ADD1: variants seen among roughly 807,000 people sequenced by gnomAD.
The protein encoded by ADD1 is adducin 1.
In ADD1, 24 loss-of-function variants were observed where a neutral mutation model predicts 80.5. The ratio of observed to expected loss-of-function variants is 0.30; its 90% CI spans 0.22 to 0.42. ADD1 has a LOEUF of 0.42. Among genes scored for constraint, ADD1 ranks in the 10% least tolerant of loss-of-function variants. The probability of loss-of-function intolerance (pLI) is 1.00; values close to 1 mark genes in which losing one functional copy is unlikely to be tolerated. For synonymous variants in ADD1, 373 were observed against 393.8 expected (o/e 0.95, Z 0.63); for missense variants, 948 against 1,019.0 (o/e 0.93, Z 0.95).
At chr4:2,886,381 A>G (rs1733370678) in intron 4 of ADD1, among the ~76,000 whole-genome samples, 2 of 152,168 alleles carry the variant, frequency 1.3e-5, no homozygotes, top group South Asian at 4.1e-4. Context: ...TCTGCCAGAG[A>G]GACTGAGTTG....
At chr4:2,860,993 T>C (rs1417531650) in intron 1 of ADD1, among the ~76,000 whole-genome samples, 1 of 152,140 alleles carries the variant, frequency 6.6e-6, no homozygotes, top group Non-Finnish European at 1.5e-5. Flanking sequence ...GTGGGGACTA[T>C]TCTAAATAGG....
intron 1 of ADD1, among the ~76,000 whole-genome samples, chr4:2,855,663 A>G (rs1163896762): frequency 6.6e-6 from 1 of 151,198 alleles, no homozygotes; most frequent in Non-Finnish European, 1.5e-5. Flanking sequence ...AAAGAGACAC[A>G]GTCTTGCTCT....
At chr4:2,864,305 C>G (rs1044865944) in intron 1 of ADD1, among the ~76,000 whole-genome samples, 1 of 152,022 alleles carries the variant, frequency 6.6e-6, no homozygotes, top group African/African-American at 2.4e-5. Context: ...CCCAGCTGTT[C>G]GGGAGGCTGA....
intron 10 of ADD1, among the ~76,000 whole-genome samples, chr4:2,906,478 T>G (rs987165569): frequency 6.6e-6 from 1 of 152,178 alleles, no homozygotes; most frequent in Non-Finnish European, 1.5e-5. Context: ...CCAAAGCGTT[T>G]AGGCAGCAGC....
Position 2,909,348 on chromosome 4 carries a change from C to G in ADD1, c.1708C>G (p.Leu570Val), listed in dbSNP as rs1403945024. The G allele has an allele frequency of 1.3e-6, 2 of 1,550,264 alleles. No homozygotes were observed. Among genetic ancestry groups the G allele is most frequent in the East Asian group, 2.4e-5 (1 of 40,926 alleles). ...MDRSLVQDAPLSDCTETIEGL... is the reference protein window; with the variant it reads ...MDRSLVQDAPVSDCTETIEGL... ...CAGTTTACTGTTTCAGGATGCACCTCTCTCTGACTGTACGGAAACTATCGA... is the reference window on the plus strand; with the variant it reads ...CAGTTTACTGTTTCAGGATGCACCTGTCTCTGACTGTACGGAAACTATCGA... Residue 570 changes from leucine to valine, a missense_variant, in exon 13 of 16, where the codon CTC becomes GTC. Physicochemically the swap from Leu to Val is conservative, Grantham distance 32. Transcript: ENST00000683351.
chr4:2,898,112 A>G (rs1018929310), intron 6 of ADD1, 72 bp from the exon 7 acceptor site: 1 of 1,483,370 alleles, frequency 6.7e-7, no homozygotes, highest in Non-Finnish European at 9.1e-7. Context: ...CTGTGAGGAA[A>G]GCATTTACCA....
intron 1 of ADD1, among the ~76,000 whole-genome samples, chr4:2,847,098 C>T (rs1481344702): frequency 6.6e-6 from 1 of 151,620 alleles, no homozygotes; most frequent in African/African-American, 2.4e-5. Flanking sequence ...GCCTGGGCGA[C>T]ACGGAGCGAG....
At chr4:2,850,447 A>G (rs1053810126) in intron 1 of ADD1, among the ~76,000 whole-genome samples, 4 of 150,786 alleles carry the variant, frequency 2.7e-5, no homozygotes, top group Non-Finnish European at 5.9e-5. Context: ...TTTTTCTGAG[A>G]CGGTGTCTTG....
In ADD1 at chr4:2,863,653, A is replaced by T. The variant is rs1729125544; in HGVS notation, c.-20-12243A>T. On this transcript the variant is annotated intron_variant, in intron 1 of 15. Transcript: ENST00000683351. ...TGTCTGCTGTCTGCCAAACACTCTA[A>T]ATGCTTTCCAGACAGCATTTTTGAT... Among the ~76,000 whole-genome samples, 3 of 152,116 alleles carry T rather than the reference A, an allele frequency of 2.0e-5. No individual in the cohort carries two copies. In the South Asian group the frequency reaches 6.2e-4, roughly 32 times the overall value.
rs189186059 is a variant in ADD1, at chr4:2,895,514, G to T, written c.741+783G>T. 9.9e-4 allele frequency among the ~76,000 whole-genome samples: 151 copies of T among 152,202 alleles called. 1 individual carries two copies. The highest frequency in any genetic ancestry group is 3.5e-3 in the Admixed American group (54 of 15,276). ...GGGGACGAGCTGGGGAAAGGGAGAGGTTGAGGCCTAGAAACCAACCTGTCC... is the reference window on the plus strand; with the variant it reads ...GGGGACGAGCTGGGGAAAGGGAGAGTTTGAGGCCTAGAAACCAACCTGTCC... On this transcript the variant is annotated intron_variant, in intron 6 of 15. Coordinates refer to ENST00000683351, the MANE Select transcript of ADD1 (RefSeq NM_001354761.2).
At chr4:2,854,236 A>C (rs1488824650) in intron 1 of ADD1, among the ~76,000 whole-genome samples, 1 of 152,174 alleles carries the variant, frequency 6.6e-6, no homozygotes, top group Non-Finnish European at 1.5e-5. Flanking sequence ...AGGCAGGAGC[A>C]TTGCTTGAAC....
chr4:2,854,937 C>T (rs935806632), intron 1 of ADD1: 2 of 152,178 alleles, frequency 1.3e-5, no homozygotes, highest in East Asian at 1.9e-4. Flanking sequence ...CTCTGGAGGT[C>T]GTATGGGAGA....
intron 14 of ADD1, among the ~76,000 whole-genome samples, chr4:2,923,225 C>T (rs1018589720): frequency 3.3e-5 from 5 of 152,220 alleles, no homozygotes; most frequent in East Asian, 1.9e-4. Flanking sequence ...TCTGCCGAAA[C>T]GGCTGCCCAG....
Position 2,928,388 on chromosome 4 carries a change from C to A in ADD1, c.2265C>A (p.Ala755=), listed in dbSNP as rs768043290. ...PDPAPVAEEA[A]PSAVEEGAAA... Reference sequence around the variant, plus strand: ...CAGCCCCGGTGGCTGAAGAGGCTGCCCCCTCAGCTGTCGAGGAGGGGGCCG... The same window carrying A: ...CAGCCCCGGTGGCTGAAGAGGCTGCACCCTCAGCTGTCGAGGAGGGGGCCG... Residue 755 remains alanine (A), a synonymous_variant, in exon 16 of 16, where the codon GCC becomes GCA. Coordinates refer to ENST00000683351, the MANE Select transcript of ADD1 (RefSeq NM_001354761.2). 1 of 1,613,346 alleles carries A rather than the reference C, an allele frequency of 6.2e-7. No homozygotes were observed. The highest frequency in any genetic ancestry group is 8.5e-7 in the Non-Finnish European group (1 of 1,179,928).
At chr4:2,890,768 A>G (rs1220419171) in intron 4 of ADD1, among the ~76,000 whole-genome samples, 3 of 152,168 alleles carry the variant, frequency 2.0e-5, no homozygotes, top group South Asian at 2.1e-4. Context: ...ATTTATTATT[A>G]TACTTACATT....
At chr4:2,865,830 ATAT>A (rs886560284) in intron 1 of ADD1, among the ~76,000 whole-genome samples, 3 of 152,208 alleles carry the variant, frequency 2.0e-5, no homozygotes, top group African/African-American at 4.8e-5. Context: ...AAAAATTAAA[ATAT>A]TATATTAATT....
At chr4:2,871,415 T>G (rs1421673362) in intron 1 of ADD1, among the ~76,000 whole-genome samples, 1 of 152,228 alleles carries the variant, frequency 6.6e-6, no homozygotes, top group African/African-American at 2.4e-5. Flanking sequence ...TTGGTGTAAG[T>G]GTCTTGACTT....
intron 3 of ADD1, among the ~76,000 whole-genome samples, chr4:2,882,791 A>G (rs1732576328): frequency 6.6e-6 from 1 of 152,216 alleles, no homozygotes; most frequent in Non-Finnish European, 1.5e-5. Flanking sequence ...CATTTAATCC[A>G]TAGCTCAAAC....
In ADD1 at chr4:2,929,975, T is replaced by C. The variant is rs1712767160; in HGVS notation, c.*1452T>C. 1 of 152,590 alleles carries C rather than the reference T, an allele frequency of 6.6e-6. No homozygotes were observed. Among genetic ancestry groups the C allele is most frequent in the Non-Finnish European group, 1.5e-5 (1 of 68,034 alleles). 9.5% of individuals were successfully genotyped at this position (152,590 alleles called of 1,614,324 possible). A position where few individuals can be genotyped will look rare whatever the true frequency, so the allele number is the denominator to read the frequency against. Reference sequence around the variant, plus strand: ...TATTACAACATGAAATATAGTTGCATATATGGACACCGACTTGGGAGGACA... The same window carrying C: ...TATTACAACATGAAATATAGTTGCACATATGGACACCGACTTGGGAGGACA... On this transcript the variant is annotated 3_prime_UTR_variant, in exon 16 of 16. Coordinates refer to ENST00000683351, the MANE Select transcript of ADD1 (RefSeq NM_001354761.2).
Sources: allele counts gnomAD v4.1 joint callset (sites outside exome capture counted in the v4.1 genomes callset), GRCh38; gene constraint gnomAD v4.1.1; transcripts MANE v1.5; gene names NCBI Gene and HGNC (gene_info 2026-07-23, HGNC 2026-07-21).